Variants in NYAP2 observed in about 807,000 individuals in gnomAD.
NYAP2 encodes neuronal tyrosine-phosphorylated phosphoinositide-3-kinase adapter 2.
A neutral mutation model predicts 50.4 loss-of-function variants in NYAP2; 23 were observed. That is an observed-to-expected ratio of 0.46 (90% CI 0.33 to 0.65). The LOEUF (loss-of-function observed/expected upper bound fraction) is 0.65, where lower values mean the gene tolerates loss of function less well. Among genes scored for constraint, NYAP2 ranks in the 30% least tolerant of loss-of-function variants. The pLI is 0.02. For synonymous variants in NYAP2, 394 were observed against 365.2 expected, an observed-to-expected ratio of 1.08 and a Z score of -0.90; for missense variants, 885 against 861.0, an observed-to-expected ratio of 1.03 and a Z score of -0.35.
intron 3 of NYAP2, among the ~76,000 whole-genome samples, chr2:225,444,424 A>G (rs1272327240): frequency 6.6e-6 from 1 of 152,166 alleles, no homozygotes; most frequent in Non-Finnish European, 1.5e-5. Context: ...TGTTTCTGAA[A>G]AGTTAAATCT....
intron 3 of NYAP2, among the ~76,000 whole-genome samples, chr2:225,503,686 G>A (rs187581430): frequency 6.5e-4 from 99 of 152,184 alleles, no homozygotes; most frequent in African/African-American, 2.2e-3. Flanking sequence ...ATAGCACTTC[G>A]TGATAAATAA....
At chr2:225,416,439 T>C (rs1435596387) in intron 3 of NYAP2, among the ~76,000 whole-genome samples, 1 of 152,166 alleles carries the variant, frequency 6.6e-6, no homozygotes, top group East Asian at 1.9e-4. Context: ...AGTCCCCTTA[T>C]ACAGGTCAAA....
intron 5 of NYAP2, among the ~76,000 whole-genome samples, chr2:225,591,106 C>G (rs73090833): frequency 1.3e-5 from 2 of 152,112 alleles, no homozygotes; most frequent in Admixed American, 6.5e-5. Flanking sequence ...GGAGGACTAG[C>G]CAGAGCATGG....
intron 5 of NYAP2, among the ~76,000 whole-genome samples, chr2:225,612,849 T>TCACACCCAATGTGTGTGATGACAA (rs1692923254): frequency 7.2e-6 from 1 of 139,136 alleles, no homozygotes; most frequent in Non-Finnish European, 1.6e-5. Flanking sequence ...TGTGATGACA[T>TCACACCCAATGTGTGTGATGACAA]CACATCTGGG....
At chr2:225,417,380 C>T (rs1695144043) in intron 3 of NYAP2, among the ~76,000 whole-genome samples, 1 of 151,856 alleles carries the variant, frequency 6.6e-6, no homozygotes, top group South Asian at 2.1e-4. Context: ...AATCAAGTCC[C>T]CCCTCAAAAT....
intron 4 of NYAP2, among the ~76,000 whole-genome samples, chr2:225,539,058 A>C (rs1691409574): frequency 6.6e-6 from 1 of 151,526 alleles, no homozygotes; most frequent in South Asian, 2.1e-4. Flanking sequence ...GTGTGTTCTC[A>C]TTGTTCAATT....
intron 6 of NYAP2, among the ~76,000 whole-genome samples, chr2:225,642,086 A>G (rs1182799807): frequency 2.0e-5 from 3 of 152,156 alleles, no homozygotes; most frequent in African/African-American, 7.2e-5. Flanking sequence ...TTCAAAGAGC[A>G]TGGAGCTTAG....
chr2:225,647,625 G>A (rs1693657168), intron 6 of NYAP2, among the ~76,000 whole-genome samples: 1 of 152,118 alleles, frequency 6.6e-6, no homozygotes, highest in African/African-American at 2.4e-5. Flanking sequence ...CTTGCTTTGA[G>A]GAGTTGCAGT....
chr2:225,600,961 G>A (rs1439901121), intron 5 of NYAP2, among the ~76,000 whole-genome samples: 1 of 152,056 alleles, frequency 6.6e-6, no homozygotes, highest in African/African-American at 2.4e-5. Flanking sequence ...ATCCATTGAA[G>A]GATATTTGGG....
At chr2:225,673,477 T>A in the NYAP2 span, among the ~76,000 whole-genome samples, 4 of 152,118 alleles carry the variant, frequency 2.6e-5, no homozygotes, top group African/African-American at 9.7e-5. Context: ...AAAAATGCAA[T>A]GTCTATGAAG....
intron 4 of NYAP2, among the ~76,000 whole-genome samples, chr2:225,536,960 A>T (rs1419011496): frequency 6.6e-6 from 1 of 151,688 alleles, no homozygotes; most frequent in Non-Finnish European, 1.5e-5. Context: ...TATTTTTTTT[A>T]GTAGAGACGA....
intron 3 of NYAP2, among the ~76,000 whole-genome samples, chr2:225,409,845 C>G (rs911877757): frequency 6.6e-6 from 1 of 152,014 alleles, no homozygotes; most frequent in Non-Finnish European, 1.5e-5. Context: ...GAGAGAGACA[C>G]CTGTGTCAGA....
At chr2:225,535,396 G>C (rs747470690) in intron 4 of NYAP2, among the ~76,000 whole-genome samples, 1 of 152,180 alleles carries the variant, frequency 6.6e-6, no homozygotes, top group African/African-American at 2.4e-5. Context: ...GTGGGATGAC[G>C]TATGTAGATA....
At chr2:225,402,261 G>T (rs992571675) in intron 2 of NYAP2, among the ~76,000 whole-genome samples, 7 of 151,950 alleles carry the variant, frequency 4.6e-5, no homozygotes, top group African/African-American at 1.7e-4. Flanking sequence ...TTTAGAAAGA[G>T]AAGTGTAAAA....
In NYAP2 at chr2:225,582,860, G is replaced by C; in HGVS notation, c.1443G>C (p.Ser481=). 6.2e-7 allele frequency: 1 copy of C among 1,613,748 alleles called. No individual in the cohort carries two copies. Among genetic ancestry groups the C allele is most frequent in the Non-Finnish European group, 8.5e-7 (1 of 1,179,880 alleles). The change falls in exon 5 of 7, where the codon TCG becomes TCC. Residue 481 remains serine (S), a synonymous_variant. Coordinates refer to ENST00000636099, the Ensembl canonical transcript of NYAP2. This position sits in a 1 kb window ranked among gnomAD's most constrained non-coding sequence, Gnocchi z 7.0. ...CTCACTCGACCCCCAGACCCGTGTCGCAAGATGGGGCCAAGATGGTCAACG... is the reference window on the plus strand; with the variant it reads ...CTCACTCGACCCCCAGACCCGTGTCCCAAGATGGGGCCAAGATGGTCAACG...
At chr2:225,524,143 G>T (rs548043922) in intron 4 of NYAP2, among the ~76,000 whole-genome samples, 26 of 152,320 alleles carry the variant, frequency 1.7e-4, no homozygotes, top group African/African-American at 6.0e-4. Context: ...CCATCCACAA[G>T]CTGAGGTTCA....
At chr2:225,512,881 CT>C (rs1690856291) in intron 3 of NYAP2, among the ~76,000 whole-genome samples, 3 of 136,426 alleles carry the variant, frequency 2.2e-5, no homozygotes, top group Non-Finnish European at 4.6e-5. Context: ...TCCTTCCTTC[CT>C]TCCTTCCTTC....
chr2:225,685,819 C>T, the NYAP2 span, among the ~76,000 whole-genome samples: 9 of 152,172 alleles, frequency 5.9e-5, no homozygotes, highest in South Asian at 8.3e-4. Context: ...AAGCCTCTTA[C>T]GATGTGATAT....
intron 5 of NYAP2, among the ~76,000 whole-genome samples, chr2:225,597,174 G>A (rs1230511371): frequency 6.6e-6 from 1 of 151,958 alleles, no homozygotes; most frequent in East Asian, 1.9e-4. Flanking sequence ...AGGTTTTGGG[G>A]AAACAGGTGG....
Sources: gnomAD v4.1 joint callset for allele counts (sites outside exome capture counted in the v4.1 genomes callset) on GRCh38, gnomAD v4.1.1 for gene constraint, Gnocchi (gnomAD v3.1) non-coding constraint, MANE v1.5 for transcripts, NCBI Gene and HGNC (gene_info 2026-07-23, HGNC 2026-07-21) for gene names.